NCAM1: variants seen among roughly 807,000 people sequenced by gnomAD.
NCAM1 encodes neural cell adhesion molecule 1, also known as antigen recognized by monoclonal antibody 5.1H11.
NCAM1 carries 14 observed loss-of-function variants against 109.8 expected under a neutral mutation model. The observed-to-expected ratio is 0.13, with a 90% CI of 0.08 to 0.20. The LOEUF is 0.20. NCAM1 is among the 10% of genes least tolerant of loss of function. The pLI is 1.00. For synonymous variants in NCAM1, 418 were observed against 442.9 expected (o/e 0.94, Z 0.70); for missense variants, 774 against 1,109.9 (o/e 0.70, Z 4.30).
intron 15 of NCAM1, among the ~76,000 whole-genome samples, chr11:113,248,691 A>T (rs982714927): frequency 6.6e-6 from 1 of 152,222 alleles, no homozygotes; most frequent in East Asian, 1.9e-4. Context: ...TGGATGCTCC[A>T]TCTACCCTGA....
intron 1 of NCAM1, among the ~76,000 whole-genome samples, chr11:112,982,400 A>T (rs1160422005): frequency 2.6e-5 from 4 of 151,938 alleles, no homozygotes; most frequent in Non-Finnish European, 4.4e-5. Flanking sequence ...TGCTCATCAG[A>T]TGGGGAAGTA....
intron 1 of NCAM1, among the ~76,000 whole-genome samples, chr11:113,008,815 A>G (rs1951957245): frequency 6.6e-6 from 1 of 152,230 alleles, no homozygotes; most frequent in African/African-American, 2.4e-5. Flanking sequence ...CCTGGAGATC[A>G]TTCTTACTGC....
chr11:113,178,333 T>A (rs1288226368), intron 1 of NCAM1, among the ~76,000 whole-genome samples: 1 of 152,192 alleles, frequency 6.6e-6, no homozygotes, highest in Non-Finnish European at 1.5e-5. Flanking sequence ...ACATCCCTGA[T>A]GCATTAATGT....
At chr11:113,061,864 T>C (rs1937661548) in intron 1 of NCAM1, among the ~76,000 whole-genome samples, 1 of 152,178 alleles carries the variant, frequency 6.6e-6, no homozygotes, top group Admixed American at 6.5e-5. Context: ...TGGGGTTCCA[T>C]ATTTGACTGT....
chr11:113,216,625 C>T (rs1944540868), intron 8 of NCAM1, among the ~76,000 whole-genome samples: 1 of 152,146 alleles, frequency 6.6e-6, no homozygotes, highest in Non-Finnish European at 1.5e-5. Flanking sequence ...ATTATTTCAG[C>T]CCAGCTACAT....
At chr11:113,183,634 C>T (rs1273849899) in intron 1 of NCAM1, among the ~76,000 whole-genome samples, 6 of 152,082 alleles carry the variant, frequency 3.9e-5, no homozygotes, top group Non-Finnish European at 5.9e-5. Flanking sequence ...TGAGGCATCT[C>T]GAAAATATTG....
intron 1 of NCAM1, among the ~76,000 whole-genome samples, chr11:113,201,992 G>T (rs1591412135): frequency 6.6e-6 from 1 of 152,234 alleles, no homozygotes; most frequent in Admixed American, 6.5e-5. Context: ...GAAGGAACTG[G>T]TTGGGTCACC....
chr11:113,196,226 A>G lies in NCAM1; in HGVS notation c.53-6153A>G, dbSNP rs1470994074. Among the ~76,000 whole-genome samples the G allele has an allele frequency of 2.0e-5, 3 of 152,306 alleles. 1 individual carries two copies. The highest frequency in any genetic ancestry group is 2.0e-4 in the Admixed American group (3 of 15,306). On this transcript the variant is annotated intron_variant, in intron 1 of 19. Transcript: ENST00000316851. The stretch of plus-strand genomic sequence containing the variant: ...CCTATTTAATTCTTGTGACAATCCA[A>G]TCGCATTTGTTCGGTTTTTACAGAC...
chr11:113,273,688 C>G lies in NCAM1; in HGVS notation c.2457-1579C>G, dbSNP rs1333821391. On this transcript the variant is annotated intron_variant, in intron 19 of 19. Coordinates refer to ENST00000316851, the MANE Select transcript of NCAM1 (RefSeq NM_181351.5). This position sits in a 1 kb window ranked among gnomAD's most constrained non-coding sequence, Gnocchi z 6.0. ...CCCGCCGCTGGGGCCAGTGGACAAGCCCCTGAGCTTGCTCCTTCCACTGCA... is the reference window on the plus strand; with the variant it reads ...CCCGCCGCTGGGGCCAGTGGACAAGGCCCTGAGCTTGCTCCTTCCACTGCA... 1 of 455,842 alleles carries G rather than the reference C, an allele frequency of 2.2e-6. No homozygotes were observed. Among genetic ancestry groups the G allele is most frequent in the East Asian group, 7.0e-5 (1 of 14,382 alleles). 28.2% of individuals were successfully genotyped at this position (455,842 alleles called of 1,614,324 possible).
At chr11:113,017,891 G>A (rs1952257818) in intron 1 of NCAM1, among the ~76,000 whole-genome samples, 1 of 152,070 alleles carries the variant, frequency 6.6e-6, no homozygotes, top group Non-Finnish European at 1.5e-5. Context: ...AAGTGATAGG[G>A]CAGAATTTAA....
intron 1 of NCAM1, among the ~76,000 whole-genome samples, chr11:113,007,606 C>A (rs1030994955): frequency 6.6e-6 from 1 of 152,190 alleles, no homozygotes; most frequent in Non-Finnish European, 1.5e-5. Flanking sequence ...GAGATGGCTT[C>A]TTTTAGCTGA....
chr11:113,192,247 T>C (rs1422691165), intron 1 of NCAM1, among the ~76,000 whole-genome samples: 6 of 151,062 alleles, frequency 4.0e-5, no homozygotes, highest in Non-Finnish European at 7.4e-5. Context: ...TACAGCCATT[T>C]ACTAAGAAGG....
chr11:112,975,982 G>GT (rs1449678390), intron 1 of NCAM1, among the ~76,000 whole-genome samples: 17 of 151,982 alleles, frequency 1.1e-4, no homozygotes, highest in African/African-American at 4.1e-4. Flanking sequence ...TCACTATTTT[G>GT]TGTTCTAGTG....
In NCAM1 at chr11:113,104,212, G is replaced by GT. The variant is rs1313722269; in HGVS notation, c.53-98167_53-98166insT. On this transcript the variant is annotated intron_variant, in intron 1 of 19. Transcript: ENST00000316851. Reference sequence around the variant, plus strand: ...CAGGTGAAGAGGAGGTGGGGTGGGGGGGGGGGCGGGGTGGTGGTGGCGGTG... The same window carrying GT: ...CAGGTGAAGAGGAGGTGGGGTGGGGGTGGGGGGCGGGGTGGTGGTGGCGGTG... Among the ~76,000 whole-genome samples the GT allele has an allele frequency of 5.0e-4, 65 of 129,758 alleles. No individual in the cohort carries two copies. In the South Asian group the frequency reaches 6.6e-3, roughly 13 times the overall value. 85.1% of individuals were successfully genotyped at this position (129,758 alleles called of 152,430 possible). A position where few individuals can be genotyped will look rare whatever the true frequency, so the allele number is the denominator to read the frequency against.
chr11:113,054,338 C>T (rs1415807065), intron 1 of NCAM1, among the ~76,000 whole-genome samples: 2 of 152,120 alleles, frequency 1.3e-5, no homozygotes, highest in Non-Finnish European at 2.9e-5. Flanking sequence ...CAGTATAGTG[C>T]CAGGGCTGGT....
intron 1 of NCAM1, among the ~76,000 whole-genome samples, chr11:113,033,373 G>A (rs1267043504): frequency 6.6e-6 from 1 of 152,142 alleles, no homozygotes; most frequent in African/African-American, 2.4e-5. Context: ...ATGTGCAGAT[G>A]GGGGTGGAGT....
intron 1 of NCAM1, among the ~76,000 whole-genome samples, chr11:112,974,061 G>A (rs557480341): frequency 1.1e-4 from 17 of 152,124 alleles, no homozygotes; most frequent in African/African-American, 4.1e-4. Flanking sequence ...TTTAAATAAT[G>A]GTTGCTGCTA....
intron 1 of NCAM1, among the ~76,000 whole-genome samples, chr11:113,095,372 G>A (rs1410792569): frequency 6.6e-6 from 1 of 151,262 alleles, no homozygotes; most frequent in Non-Finnish European, 1.5e-5. Flanking sequence ...GAGCATCTAA[G>A]ATGAGTTTAC....
intron 1 of NCAM1, among the ~76,000 whole-genome samples, chr11:112,976,869 G>A (rs1416044422): frequency 1.3e-5 from 2 of 151,754 alleles, no homozygotes; most frequent in East Asian, 3.9e-4. Flanking sequence ...CAGAAAAATC[G>A]AGTTGCATTT....
Sources: gnomAD v4.1 joint callset for allele counts (sites outside exome capture counted in the v4.1 genomes callset) on GRCh38, gnomAD v4.1.1 for gene constraint, Gnocchi (gnomAD v3.1) non-coding constraint, MANE v1.5 for transcripts, NCBI Gene and HGNC (gene_info 2026-07-23, HGNC 2026-07-21) for gene names.